The following CCSER1 variants were observed in gnomAD, a reference collection of about 807,000 sequenced individuals.
CCSER1 encodes coiled-coil serine rich protein 1.
In CCSER1, 41 loss-of-function variants were observed where a neutral mutation model predicts 82.0. That is an observed-to-expected ratio of 0.50 (90% CI 0.39 to 0.65). The LOEUF is 0.65. CCSER1 is among the 30% of genes least tolerant of loss of function. CCSER1 has a pLI of 0.00. For missense variants in CCSER1, 1,119 were observed against 1,064.2 expected (o/e 1.05, Z -0.72); for synonymous variants, 414 against 383.9 (o/e 1.08, Z -0.92).
intron 10 of CCSER1, among the ~76,000 whole-genome samples, chr4:91,221,381 G>A (rs912699251): frequency 2.0e-5 from 3 of 152,070 alleles, no homozygotes; most frequent in African/African-American, 7.2e-5. Context: ...CTGTTTGGCT[G>A]TGCATAGTTA....
intron 1 of CCSER1, among the ~76,000 whole-genome samples, chr4:90,285,445 C>T (rs1003973079): frequency 1.3e-5 from 2 of 151,812 alleles, no homozygotes; most frequent in Admixed American, 6.6e-5. Flanking sequence ...TCAAATTGTT[C>T]ACTGTTGGTG....
chr4:90,308,622 G>A lies in CCSER1; in HGVS notation c.338G>A (p.Gly113Glu). The change falls in exon 2 of 11, where the codon GGA becomes GAA. Residue 113 changes from glycine to glutamate, a missense_variant. Transcript: ENST00000509176. The stretch of plus-strand genomic sequence containing the variant: ...TTGGAAGAACATATTAAGACCAGGG[G>A]AAGACATTCTGTTGGTTTTAGTAGT... ...LSLEEHIKTRGRHSVGFSSSR... is the reference protein window; with the variant it reads ...LSLEEHIKTRERHSVGFSSSR... 6.2e-7 allele frequency: 1 copy of A among 1,613,830 alleles called. No individual in the cohort carries two copies. Among genetic ancestry groups the A allele is most frequent in the Non-Finnish European group, 8.5e-7 (1 of 1,179,856 alleles).
At chr4:90,184,646 G>A (rs1408600126) in intron 1 of CCSER1, among the ~76,000 whole-genome samples, 1 of 152,078 alleles carries the variant, frequency 6.6e-6, no homozygotes, top group Admixed American at 6.6e-5. Flanking sequence ...TGAAAACTTG[G>A]TGCAATTGTT....
chr4:90,199,176 TC>T (rs1337253810), intron 1 of CCSER1, among the ~76,000 whole-genome samples: 21 of 152,160 alleles, frequency 1.4e-4, no homozygotes, highest in African/African-American at 5.1e-4. Context: ...TTTGGAATCT[TC>T]TTCTGAGATT....
chr4:90,912,093 G>T (rs1334502727), intron 8 of CCSER1, among the ~76,000 whole-genome samples: 1 of 152,204 alleles, frequency 6.6e-6, no homozygotes, highest in Non-Finnish European at 1.5e-5. Flanking sequence ...AACCTCTGCA[G>T]ACTTAAATGT....
At chr4:90,840,865 C>G (rs1762488196) in intron 8 of CCSER1, among the ~76,000 whole-genome samples, 1 of 152,002 alleles carries the variant, frequency 6.6e-6, no homozygotes, top group South Asian at 2.1e-4. Flanking sequence ...AAAATGACAT[C>G]TGAATAAGAA....
chr4:90,237,710 G>T (rs549528307), intron 1 of CCSER1, among the ~76,000 whole-genome samples: 2 of 152,226 alleles, frequency 1.3e-5, no homozygotes, highest in South Asian at 2.1e-4. Context: ...GAATTCTACC[G>T]TAGGGTGGAC....
chr4:90,136,550 T>C (rs1723736285), intron 1 of CCSER1, among the ~76,000 whole-genome samples: 1 of 152,238 alleles, frequency 6.6e-6, no homozygotes, highest in Admixed American at 6.5e-5. Flanking sequence ...TTGTTGTGTG[T>C]GTGTTTTGCA....
intron 10 of CCSER1, among the ~76,000 whole-genome samples, chr4:91,122,561 A>G (rs1727180480): frequency 6.6e-6 from 1 of 151,830 alleles, no homozygotes; most frequent in Admixed American, 6.6e-5. Context: ...AACCAAAACT[A>G]GAAAAAGGAA....
rs1036697433 is a variant in CCSER1 at position 91,604,250 on chromosome 4, A to G, written c.*5193A>G. On this transcript the variant is annotated 3_prime_UTR_variant, in exon 11 of 11. Coordinates refer to ENST00000509176, the MANE Select transcript of CCSER1 (RefSeq NM_001145065.2). ...TATCTCCAGAATAGGATCTCTCCTA[A>G]GGAGGCAGAGTGATTTAAACAAACA... 6.6e-6 allele frequency: 1 copy of G among 152,092 alleles called. No individual in the cohort carries two copies. The highest frequency in any genetic ancestry group is 1.5e-5 in the Non-Finnish European group (1 of 67,976). The allele number at this position is 152,092 out of a possible 1,614,324, so 9.4% of individuals were successfully genotyped here.
chr4:90,155,634 C>T (rs1307766613), intron 1 of CCSER1, among the ~76,000 whole-genome samples: 1 of 152,146 alleles, frequency 6.6e-6, no homozygotes, highest in African/African-American at 2.4e-5. Flanking sequence ...AGGAATTTAT[C>T]CATTTCTTCT....
chr4:90,157,768 C>T (rs1263892237), intron 1 of CCSER1, among the ~76,000 whole-genome samples: 3 of 152,150 alleles, frequency 2.0e-5, no homozygotes, highest in African/African-American at 2.4e-5. Context: ...TCTAGTTATA[C>T]ATTCATCTAA....
intron 5 of CCSER1, among the ~76,000 whole-genome samples, chr4:90,486,091 G>A (rs1363129854): frequency 6.6e-6 from 1 of 152,008 alleles, no homozygotes; most frequent in East Asian, 1.9e-4. Context: ...GTCCTTTATT[G>A]TTTCACTTTT....
chr4:90,232,821 A>G (rs1578650056), intron 1 of CCSER1, among the ~76,000 whole-genome samples: 1 of 151,738 alleles, frequency 6.6e-6, no homozygotes, highest in East Asian at 1.9e-4. Flanking sequence ...AAGGACATGA[A>G]CAGACACTTC....
intron 8 of CCSER1, among the ~76,000 whole-genome samples, chr4:90,842,457 C>T (rs1762694897): frequency 6.6e-6 from 1 of 151,922 alleles, no homozygotes; most frequent in Non-Finnish European, 1.5e-5. Context: ...AATGATTAGT[C>T]CAGGGATGAA....
At chr4:90,353,083 C>G (rs1743786614) in intron 3 of CCSER1, among the ~76,000 whole-genome samples, 1 of 152,104 alleles carries the variant, frequency 6.6e-6, no homozygotes, top group African/African-American at 2.4e-5. Flanking sequence ...ATGTAGGAGT[C>G]AGGAGATACT....
chr4:91,372,699 T>C lies in CCSER1; in HGVS notation c.2218-225873T>C, dbSNP rs186164441. ...AAACTACTTAAATTCATCTAATTGG[T>C]GATTCATCATAAACTGATGGAATAT... On this transcript the variant is annotated intron_variant, in intron 10 of 10. Transcript: ENST00000509176. Among the ~76,000 whole-genome samples, 283 of 152,282 alleles carry C rather than the reference T, an allele frequency of 1.9e-3. 3 individuals carry two copies. Among genetic ancestry groups the C allele is most frequent in the Non-Finnish European group, 3.4e-3 (231 of 68,018 alleles).
intron 10 of CCSER1, among the ~76,000 whole-genome samples, chr4:91,562,665 A>G (rs1762709164): frequency 6.6e-6 from 1 of 151,590 alleles, no homozygotes; most frequent in African/African-American, 2.4e-5. Context: ...ATTGTTTAGC[A>G]TAGCCATTTT....
intron 9 of CCSER1, among the ~76,000 whole-genome samples, chr4:91,069,763 T>G (rs1721229744): frequency 6.6e-6 from 1 of 152,168 alleles, no homozygotes; most frequent in Non-Finnish European, 1.5e-5. Flanking sequence ...AACTGAGATT[T>G]GAAGGGCAAA....
Sources: allele counts gnomAD v4.1 joint callset (sites outside exome capture counted in the v4.1 genomes callset), GRCh38; gene constraint gnomAD v4.1.1; transcripts MANE v1.5; gene names NCBI Gene and HGNC (gene_info 2026-07-23, HGNC 2026-07-21).